Variants in CCDC28A observed in about 807,000 individuals in gnomAD.
CCDC28A encodes coiled-coil domain-containing protein 28A.
Under a neutral mutation model 22.1 loss-of-function variants are expected in CCDC28A, and 24 were observed. That is an observed-to-expected ratio of 1.09 (90% CI 0.79 to 1.53). CCDC28A has a LOEUF of 1.53. CCDC28A is among the 40% of genes most tolerant of loss of function. The probability of loss-of-function intolerance (pLI) is 0.00; values close to 1 mark genes in which losing one functional copy is unlikely to be tolerated. For synonymous variants in CCDC28A, 83 were observed against 74.7 expected (o/e 1.11, Z -0.57); for missense variants, 170 against 210.7 (o/e 0.81, Z 1.20).
chr6:138,782,400 T>G (rs566126593), intron 3 of CCDC28A, among the ~76,000 whole-genome samples: 14 of 152,322 alleles, frequency 9.2e-5, no homozygotes, highest in African/African-American at 3.4e-4. Flanking sequence ...TGCCTGGGAA[T>G]CAGTGAGCCC....
intron 2 of CCDC28A, among the ~76,000 whole-genome samples, chr6:138,777,950 G>A (rs1417965622): frequency 6.6e-6 from 1 of 151,998 alleles, no homozygotes; most frequent in Non-Finnish European, 1.5e-5. Context: ...TGGGATGGGG[G>A]GCTTCAGATG....
intron 5 of CCDC28A, among the ~76,000 whole-genome samples, chr6:138,790,075 C>T (rs534000420): frequency 3.3e-5 from 5 of 151,958 alleles, no homozygotes; most frequent in Non-Finnish European, 7.4e-5. Context: ...GCAAGAAGTT[C>T]TCTTTCTTCC....
chr6:138,778,769 CTTTT>C (rs1304442970), intron 2 of CCDC28A, among the ~76,000 whole-genome samples: 1 of 140,196 alleles, frequency 7.1e-6, no homozygotes, highest in Admixed American at 7.2e-5. Context: ...GCTACTAAAG[CTTTT>C]TTTTTTTTTT....
At position 138,785,230 on chromosome 6, in the gene CCDC28A, A is replaced by G. The variant is rs1405000998; in HGVS notation, c.326A>G (p.Asn109Ser). Residue 109 changes from asparagine to serine, a missense_variant, in exon 4 of 6, where the codon AAT becomes AGT. Transcript: ENST00000617445. ...AATGTTCTGGAATGTTCCCAAGGAA[A>G]TGAATGTTCCATTGAACAGATGGAA... ...FHSGKLQAFG[N>S]ECSIEQMEHV... 1 of 1,612,006 alleles carries G rather than the reference A, an allele frequency of 6.2e-7. No homozygotes were observed. Among genetic ancestry groups the G allele is most frequent in the Admixed American group, 1.7e-5 (1 of 59,948 alleles).
intron 5 of CCDC28A, among the ~76,000 whole-genome samples, chr6:138,791,304 A>C (rs1775165570): frequency 6.6e-6 from 1 of 151,106 alleles, no homozygotes; most frequent in Non-Finnish European, 1.5e-5. Context: ...TTGGTCTCAA[A>C]CTCCTGGGCT....
intron 5 of CCDC28A, among the ~76,000 whole-genome samples, chr6:138,791,246 ATT>A (rs57466946): frequency 6.9e-6 from 1 of 145,934 alleles, no homozygotes; most frequent in Non-Finnish European, 1.5e-5. Flanking sequence ...ATGCCCAGCT[ATT>A]TTTTTTTTTG....
chr6:138,792,323 G>A (rs1329621426), intron 5 of CCDC28A, among the ~76,000 whole-genome samples: 1 of 152,150 alleles, frequency 6.6e-6, no homozygotes, highest in Non-Finnish European at 1.5e-5. Context: ...GAGGCCAGGA[G>A]TTCAAGACCA....
At chr6:138,780,096 G>C in intron 3 of CCDC28A, 111 bp downstream of exon 3, 1 of 729,800 alleles carries the variant, frequency 1.4e-6, no homozygotes, top group Non-Finnish European at 2.0e-6. Context: ...AAGAAAAAAA[G>C]AGCCCACAGG....
chr6:138,775,521 A>G (rs1399684552), intron 1 of CCDC28A, among the ~76,000 whole-genome samples: 1 of 152,250 alleles, frequency 6.6e-6, no homozygotes, highest in Non-Finnish European at 1.5e-5. Context: ...AGCCCTAGCT[A>G]GAAACTGAGT....
intron 1 of CCDC28A, among the ~76,000 whole-genome samples, chr6:138,774,467 T>C (rs1774894833): frequency 6.6e-6 from 1 of 152,246 alleles, no homozygotes. Flanking sequence ...ACCAGAATTA[T>C]TGTTCTGTTA....
At chr6:138,787,381 A>T (rs1289430992) in intron 4 of CCDC28A, among the ~76,000 whole-genome samples, 2 of 151,876 alleles carry the variant, frequency 1.3e-5, no homozygotes, top group African/African-American at 2.4e-5. Flanking sequence ...AGATCTGCTG[A>T]CTCCTTAATT....
chr6:138,782,802 A>G (rs924384134), intron 3 of CCDC28A, among the ~76,000 whole-genome samples: 1 of 152,224 alleles, frequency 6.6e-6, no homozygotes, highest in Non-Finnish European at 1.5e-5. Flanking sequence ...ATAATGTCGT[A>G]TAGTCCATTT....
At chr6:138,774,040 G>A in intron 1 of CCDC28A, 138 bp downstream of exon 1, 1 of 1,047,588 alleles carries the variant, frequency 9.5e-7, no homozygotes, top group Non-Finnish European at 1.4e-6. Flanking sequence ...GATGTCAAGA[G>A]GGATGCCCAG....
Position 138,785,234 on chromosome 6 carries a change from A to G in CCDC28A, c.330A>G (p.Glu110=), listed in dbSNP as rs1775074143. The change falls in exon 4 of 6, where the codon GAA becomes GAG. Residue 110 remains glutamate, a synonymous_variant. Transcript: ENST00000617445. The part of the protein sequence containing the change: ...HSGKLQAFGN[E]CSIEQMEHVR... ...TTCTGGAATGTTCCCAAGGAAATGA[A>G]TGTTCCATTGAACAGATGGAACATG... 5 of 1,612,662 alleles carry G rather than the reference A, an allele frequency of 3.1e-6. No individual in the cohort carries two copies. Among genetic ancestry groups the G allele is most frequent in the Admixed American group, 1.7e-5 (1 of 59,970 alleles).
intron 3 of CCDC28A, 90 bp downstream of exon 3, chr6:138,780,075 C>A: frequency 1.0e-6 from 1 of 954,788 alleles, no homozygotes. Flanking sequence ...TTCAAAGTGC[C>A]AGTTTCTTTT....
At chr6:138,784,252 CTG>C (rs1775060675) in intron 3 of CCDC28A, among the ~76,000 whole-genome samples, 1 of 152,034 alleles carries the variant, frequency 6.6e-6, no homozygotes, top group Admixed American at 6.5e-5. Flanking sequence ...AGTTGTCAAA[CTG>C]GACATGATGA....
In CCDC28A at chr6:138,792,737, T is replaced by TAAC. The variant is rs1775190628; in HGVS notation, c.501-12_501-11insAAC. 6.4e-7 allele frequency: 1 copy of TAAC among 1,573,724 alleles called. No homozygotes were observed. Among genetic ancestry groups the TAAC allele is most frequent in the East Asian group, 2.2e-5 (1 of 44,666 alleles). ...CTTATAGAATGAAAATCTTCTTAAC[T>TAAC]GATTAATTCAGACAAAAACTCCATT... On this transcript the variant is annotated splice_polypyrimidine_tract_variant and intron_variant, in intron 5 of 5. Transcript: ENST00000617445.
Position 138,779,976 on chromosome 6 carries a change from C to A in CCDC28A, c.313C>A (p.Gln105Lys), listed in dbSNP as rs749487351. 6.2e-7 allele frequency: 1 copy of A among 1,608,254 alleles called. No individual in the cohort carries two copies. Among genetic ancestry groups the A allele is most frequent in the South Asian group, 1.1e-5 (1 of 89,894 alleles). The change falls in exon 3 of 6, where the codon CAA becomes AAA. Residue 105 changes from glutamine to lysine, a missense_variant. Gln to Lys is a moderately conservative substitution (Grantham distance 53). Coordinates refer to ENST00000617445, the MANE Select transcript of CCDC28A (RefSeq NM_015439.3). Reference protein sequence around the residue: ...LLNDFHSGKLQAFGNECSIEQ... With the variant: ...LLNDFHSGKLKAFGNECSIEQ... ...GAATGATTTCCACTCTGGAAAACTT[C>A]AAGCATTTGGTAAGCAATAGATGTT...
chr6:138,792,748 G>T lies in CCDC28A; in HGVS notation c.501-1G>T, dbSNP rs1191252028. On this transcript the variant is annotated splice_acceptor_variant, in intron 5 of 5. Transcript: ENST00000617445. LOFTEE classifies it high-confidence loss of function. ...AAAATCTTCTTAACTGATTAATTCAGACAAAAACTCCATTTGGCAGATGCA... is the reference window on the plus strand; with the variant it reads ...AAAATCTTCTTAACTGATTAATTCATACAAAAACTCCATTTGGCAGATGCA... The T allele has an allele frequency of 1.3e-6, 2 of 1,596,104 alleles. No homozygotes were observed. The highest frequency in any genetic ancestry group is 1.1e-5 in the South Asian group (1 of 90,660).
Sources: allele counts gnomAD v4.1 joint callset (sites outside exome capture counted in the v4.1 genomes callset), GRCh38; gene constraint gnomAD v4.1.1; transcripts MANE v1.5; gene names NCBI Gene and HGNC (gene_info 2026-07-23, HGNC 2026-07-21).